The following SPNS2 variants were observed in gnomAD, a reference collection of about 807,000 sequenced individuals.
The protein encoded by SPNS2 is sphingosine-1-phosphate transporter SPNS2.
A neutral mutation model predicts 57.6 loss-of-function variants in SPNS2; 37 were observed. The observed-to-expected ratio is 0.64, with a 90% CI of 0.49 to 0.85. The LOEUF (loss-of-function observed/expected upper bound fraction) is 0.85. Ranked by LOEUF, SPNS2 falls within the 40% of genes least tolerant of loss-of-function variation. The probability of loss-of-function intolerance (pLI) is 0.00; values close to 1 mark genes in which losing one functional copy is unlikely to be tolerated. For synonymous variants in SPNS2, 440 were observed against 346.9 expected, an observed-to-expected ratio of 1.27 and a Z score of -2.98; for missense variants, 831 against 779.1, an observed-to-expected ratio of 1.07 and a Z score of -0.79.
At chr17:4,516,703 C>T (rs1182234129) in intron 2 of SPNS2, among the ~76,000 whole-genome samples, 1 of 152,152 alleles carries the variant, frequency 6.6e-6, no homozygotes, top group Non-Finnish European at 1.5e-5. Context: ...GTGTGAAGCC[C>T]TCCTTTCCCC....
chr17:4,536,458 C>A, intron 11 of SPNS2, 32 bp downstream of exon 11: 1 of 1,578,770 alleles, frequency 6.3e-7, no homozygotes, highest in Non-Finnish European at 8.6e-7. Context: ...CCCTGCTGCA[C>A]CGCCGGGAAG....
chr17:4,525,104 G>C lies in SPNS2; in HGVS notation c.484G>C (p.Gly162Arg). ...GGCTGCCCCCATCTTCGGCTACCTG[G>C]GCGACCGCTTCAACAGGAAGGTGAT... ...MVAAPIFGYL[G>R]DRFNRKVILS... The change falls in exon 3 of 13, where the codon GGC (glycine) becomes CGC (arginine). Residue 162 changes from glycine to arginine, a missense_variant. Gly to Arg is a moderately radical substitution (Grantham distance 125). This residue lies in a region of SPNS2 where 305 missense variants were observed against 378.3 expected (regional missense o/e 0.81). Transcript: ENST00000329078. 1 of 1,614,176 alleles carries C rather than the reference G, an allele frequency of 6.2e-7. No homozygotes were observed. Among genetic ancestry groups the C allele is most frequent in the Non-Finnish European group, 8.5e-7 (1 of 1,180,032 alleles).
chr17:4,519,313 C>A (rs1258072230), intron 2 of SPNS2, among the ~76,000 whole-genome samples: 1 of 152,226 alleles, frequency 6.6e-6, no homozygotes, highest in Non-Finnish European at 1.5e-5. Flanking sequence ...GTCATACAGG[C>A]CATGTGTGCC....
chr17:4,500,545 G>C (rs1193117635), intron 1 of SPNS2, among the ~76,000 whole-genome samples: 1 of 152,114 alleles, frequency 6.6e-6, no homozygotes, highest in African/African-American at 2.4e-5. Context: ...CCCAGAACCT[G>C]CGTAACTATA....
rs1405660376 is a variant in SPNS2 at position 4,512,905 on chromosome 17, T to C, written c.371-342T>C. On this transcript the variant is annotated intron_variant, in intron 1 of 12. Coordinates refer to ENST00000329078, the MANE Select transcript of SPNS2 (RefSeq NM_001124758.3). This position sits in a 1 kb window ranked among gnomAD's most constrained non-coding sequence, Gnocchi z 5.2. Reference sequence around the variant, plus strand: ...GTGTTCCCCCTGAGGGAAAGGCCTATGTCTATTGCACTGATCCACGGCCTG... The same window carrying C: ...GTGTTCCCCCTGAGGGAAAGGCCTACGTCTATTGCACTGATCCACGGCCTG... Among the ~76,000 whole-genome samples, 1 of 152,172 alleles carries C rather than the reference T, an allele frequency of 6.6e-6. No individual in the cohort carries two copies. Among genetic ancestry groups the C allele is most frequent in the Admixed American group, 6.5e-5 (1 of 15,280 alleles).
In SPNS2 at chr17:4,536,346, T is replaced by C; in HGVS notation, c.1527T>C (p.Pro509=). ...TGGGCTACGCGCTCATGCTCTGCCC[T>C]TTCGTCGTGGTCCTGGGCGGCATGT... ...LSLGYALMLC[P]FVVVLGGMFF... is the part of the protein sequence containing the mutation. The change falls in exon 11 of 13, where the codon CCT becomes CCC. Residue 509 remains proline, a synonymous_variant. Coordinates refer to ENST00000329078, the MANE Select transcript of SPNS2 (RefSeq NM_001124758.3). The C allele has an allele frequency of 6.2e-7, 1 of 1,611,380 alleles. No individual in the cohort carries two copies. Among genetic ancestry groups the C allele is most frequent in the Non-Finnish European group, 8.5e-7 (1 of 1,179,936 alleles).
At chr17:4,518,642 G>T (rs117442243) in intron 2 of SPNS2, among the ~76,000 whole-genome samples, 4,695 of 152,332 alleles carry the variant, frequency 0.031, 98 homozygotes, top group Middle Eastern at 0.051. Context: ...GGGGTTTGTA[G>T]GCTCACGAGG....
At chr17:4,517,172 C>G (rs1905017073) in intron 2 of SPNS2, among the ~76,000 whole-genome samples, 1 of 152,176 alleles carries the variant, frequency 6.6e-6, no homozygotes, top group Non-Finnish European at 1.5e-5. Flanking sequence ...CATTTCCCAC[C>G]TGGCGCTGGC....
Position 4,532,649 on chromosome 17 carries a change from C to G in SPNS2, c.900C>G (p.Thr300=). 1 of 1,614,078 alleles carries G rather than the reference C, an allele frequency of 6.2e-7. No homozygotes were observed. Among genetic ancestry groups the G allele is most frequent in the South Asian group, 1.1e-5 (1 of 91,076 alleles). Residue 300 remains threonine (T), a synonymous_variant, in exon 6 of 13, where the codon ACC becomes ACG. Transcript: ENST00000329078. ...TCGGGGACCAGCTCAAGGCCCGGAC[C>G]TCATGGCTCCGAGATATGAAGGCCC... is the stretch of plus-strand genomic sequence containing the variant. ...DQLGDQLKAR[T]SWLRDMKALI...
At chr17:4,524,332 C>T (rs578190029) in intron 2 of SPNS2, among the ~76,000 whole-genome samples, 15 of 152,140 alleles carry the variant, frequency 9.9e-5, no homozygotes, top group Non-Finnish European at 1.0e-4. Context: ...AGTCTGTCTC[C>T]GCATCTGTGA....
At chr17:4,509,128 G>A (rs1467828400) in intron 1 of SPNS2, among the ~76,000 whole-genome samples, 1 of 152,196 alleles carries the variant, frequency 6.6e-6, no homozygotes, top group Non-Finnish European at 1.5e-5. Flanking sequence ...TACAGGGTCC[G>A]CTCAGGGAAT....
In SPNS2 at chr17:4,536,379, C is replaced by G; in HGVS notation, c.1560C>G (p.Leu520=). 1.9e-6 allele frequency: 3 copies of G among 1,608,286 alleles called. No individual in the cohort carries two copies. The highest frequency in any genetic ancestry group is 2.5e-6 in the Non-Finnish European group (3 of 1,179,890). Residue 520 remains leucine, a synonymous_variant, in exon 11 of 13, where the codon CTC becomes CTG. Coordinates refer to ENST00000329078, the MANE Select transcript of SPNS2 (RefSeq NM_001124758.3). Reference sequence around the variant, plus strand: ...TGGTCCTGGGCGGCATGTTCTTCCTCGCCACTGCGCTCTTCTTCGTCAGCG... The same window carrying G: ...TGGTCCTGGGCGGCATGTTCTTCCTGGCCACTGCGCTCTTCTTCGTCAGCG... ...FVVVLGGMFF[L]ATALFFVSDR...
intron 11 of SPNS2, 85 bp from the exon 12 acceptor site, chr17:4,536,815 C>A (rs1011326629): frequency 1.8e-6 from 2 of 1,140,784 alleles, no homozygotes; most frequent in South Asian, 1.3e-5. Flanking sequence ...GGTCAGCTGG[C>A]CCCCACGACA....
chr17:4,538,785 G>C lies in SPNS2; in HGVS notation c.*1337G>C, dbSNP rs537438957. 1.9e-5 allele frequency: 14 copies of C among 747,264 alleles called. No homozygotes were observed. In the African/African-American group the frequency reaches 2.4e-4, roughly 13 times the overall value. The allele number at this position is 747,264 out of a possible 1,614,324, so 46.3% of individuals were successfully genotyped here. A position where few individuals can be genotyped will look rare whatever the true frequency, so the allele number is the denominator to read the frequency against. ...CCCACCAAGCTCTGGGGTACCCCGA[G>C]GGCCTGACAAGAGGATGGGGTGGGG... On this transcript the variant is annotated 3_prime_UTR_variant, in exon 13 of 13. Transcript: ENST00000329078.
intron 9 of SPNS2, among the ~76,000 whole-genome samples, chr17:4,535,614 C>G (rs1046107051): frequency 6.6e-6 from 1 of 152,094 alleles, no homozygotes; most frequent in Non-Finnish European, 1.5e-5. Context: ...GCTCGGAGGG[C>G]TCTGGGCTAA....
In SPNS2 at chr17:4,499,838, C is replaced by G. The variant is rs756918655; in HGVS notation, c.370+421C>G. On this transcript the variant is annotated intron_variant, in intron 1 of 12. Transcript: ENST00000329078. The surrounding 1 kb of genome is among the most constrained non-coding windows in gnomAD (Gnocchi z 5.2). ...CCAGGTCGTCTGTCCGTCCATGGCCCGTCAGTTCCTTCCTTTCTCCGCCGC... is the reference window on the plus strand; with the variant it reads ...CCAGGTCGTCTGTCCGTCCATGGCCGGTCAGTTCCTTCCTTTCTCCGCCGC... 1.3e-5 allele frequency among the ~76,000 whole-genome samples: 2 copies of G among 152,208 alleles called. No homozygotes were observed. The highest frequency in any genetic ancestry group is 1.3e-4 in the Admixed American group (2 of 15,290).
In SPNS2 at chr17:4,532,663, A is replaced by C. The variant is rs1355827965; in HGVS notation, c.914A>C (p.Asp305Ala). The part of the protein sequence containing the change: ...QLKARTSWLR[D>A]MKALIRNRSY... ...AAGGCCCGGACCTCATGGCTCCGAG[A>C]TATGAAGGCCCTGATTCGAAAGTGA... Residue 305 changes from aspartate to alanine, a missense_variant, in exon 6 of 13, where the codon GAT (aspartate) becomes GCT (alanine). Physicochemically the swap from Asp to Ala is moderately radical, Grantham distance 126. Coordinates refer to ENST00000329078, the MANE Select transcript of SPNS2 (RefSeq NM_001124758.3). The C allele has an allele frequency of 6.8e-6, 11 of 1,613,780 alleles. No individual in the cohort carries two copies. Among genetic ancestry groups the C allele is most frequent in the Non-Finnish European group, 9.3e-6 (11 of 1,180,004 alleles).
intron 5 of SPNS2, among the ~76,000 whole-genome samples, chr17:4,532,080 C>G (rs894866875): frequency 2.0e-5 from 3 of 152,172 alleles, no homozygotes; most frequent in Non-Finnish European, 2.9e-5. Flanking sequence ...ATCTGGCTAT[C>G]TACTTATTTT....
Position 4,537,801 on chromosome 17 carries a change from G to A in SPNS2, c.*353G>A, listed in dbSNP as rs780758757. ...TCTTGGGCAAGTCCCTGCCCTCCCTGGAACGAAGGGCCAGGGGGCTGGACT... is the reference window on the plus strand; with the variant it reads ...TCTTGGGCAAGTCCCTGCCCTCCCTAGAACGAAGGGCCAGGGGGCTGGACT... On this transcript the variant is annotated 3_prime_UTR_variant, in exon 13 of 13. Coordinates refer to ENST00000329078, the MANE Select transcript of SPNS2 (RefSeq NM_001124758.3). 1.5e-5 allele frequency: 7 copies of A among 455,646 alleles called. No homozygotes were observed. Among genetic ancestry groups the A allele is most frequent in the Non-Finnish European group, 2.7e-5 (6 of 226,180 alleles). 28.2% of individuals were successfully genotyped at this position (455,646 alleles called of 1,614,324 possible).
Sources: allele counts gnomAD v4.1 joint callset (sites outside exome capture counted in the v4.1 genomes callset), GRCh38; gene constraint gnomAD v4.1.1; regional missense constraint gnomAD v4.1.1; non-coding constraint Gnocchi (gnomAD v3.1); transcripts MANE v1.5; gene names NCBI Gene and HGNC (gene_info 2026-07-23, HGNC 2026-07-21).